Variants in VWA5B2 observed in about 807,000 individuals in gnomAD.
VWA5B2 encodes von Willebrand factor A domain-containing protein 5B2.
VWA5B2 carries 93 observed loss-of-function variants against 118.5 expected under a neutral mutation model. The observed-to-expected ratio is 0.79, with a 90% CI of 0.66 to 0.93. VWA5B2 has a LOEUF of 0.93. VWA5B2 is among the 40% of genes least tolerant of loss of function. The pLI is 0.00. For missense variants in VWA5B2, 1,546 were observed against 1,672.8 expected, an observed-to-expected ratio of 0.92 and a Z score of 1.32; for synonymous variants, 708 against 716.3, an observed-to-expected ratio of 0.99 and a Z score of 0.19.
In VWA5B2 at chr3:184,233,846, G is replaced by A; in HGVS notation, c.688+113G>A. On this transcript the variant is annotated intron_variant, in intron 5 of 19. Transcript: ENST00000691901. This position sits in a 1 kb window ranked among gnomAD's most constrained non-coding sequence, Gnocchi z 5.2. ...GAGGGACACAGGACAAAAAGACAGG[G>A]ACCCCAGCCTCCGGAACATCTGGGT... 2 of 1,400,942 alleles carry A rather than the reference G, an allele frequency of 1.4e-6. No homozygotes were observed. Among genetic ancestry groups the A allele is most frequent in the Non-Finnish European group, 1.9e-6 (2 of 1,050,230 alleles). The allele number at this position is 1,400,942 out of a possible 1,614,324, so 86.8% of individuals were successfully genotyped here.
intron 7 of VWA5B2, 159 bp from the exon 8 acceptor site, chr3:184,234,994 G>A (rs746656021): frequency 7.3e-6 from 8 of 1,093,960 alleles, no homozygotes; most frequent in Non-Finnish European, 9.0e-6. Context: ...ACAGAAGACA[G>A]CCACCTGCCT....
Position 184,241,847 on chromosome 3 carries a change from T to C in VWA5B2, c.3538T>C (p.Cys1180Arg), listed in dbSNP as rs1344520852. The change falls in exon 20 of 20, where the codon TGC becomes CGC. Residue 1180 changes from cysteine (C) to arginine (R), a missense_variant. Physicochemically the swap from Cys to Arg is radical, Grantham distance 180. Coordinates refer to ENST00000691901, the MANE Select transcript of VWA5B2 (RefSeq NM_001390846.1). This position sits in a 1 kb window ranked among gnomAD's most constrained non-coding sequence, Gnocchi z 5.1. ...AVALAWLEHR[C>R]AAAFDEWELT... ...AGCACTCGCCTGGCTGGAGCACCGA[T>C]GCGCCGCTGCCTTCGACGAGTGGGA... The C allele has an allele frequency of 6.5e-7, 1 of 1,538,904 alleles. No homozygotes were observed. Among genetic ancestry groups the C allele is most frequent in the East Asian group, 2.4e-5 (1 of 40,838 alleles).
chr3:184,241,420 G>A lies in VWA5B2; in HGVS notation c.3180+16G>A, dbSNP rs1390231699. 6 of 1,576,026 alleles carry A rather than the reference G, an allele frequency of 3.8e-6. No homozygotes were observed. Among genetic ancestry groups the A allele is most frequent in the Non-Finnish European group, 4.3e-6 (5 of 1,159,842 alleles). ...CCTGCCCTTGGTGAGGACTCGGGAG[G>A]TGGAGGGTGGTGCCGCCGGGGCCGG... On this transcript the variant is annotated intron_variant, in intron 19 of 19. Coordinates refer to ENST00000691901, the MANE Select transcript of VWA5B2 (RefSeq NM_001390846.1). This position sits in a 1 kb window ranked among gnomAD's most constrained non-coding sequence, Gnocchi z 5.1.
At position 184,242,229 on chromosome 3, in the gene VWA5B2, C is replaced by T; in HGVS notation, c.*191C>T. 1.3e-6 allele frequency: 1 copy of T among 771,844 alleles called. No individual in the cohort carries two copies. The highest frequency in any genetic ancestry group is 2.1e-6 in the Non-Finnish European group (1 of 476,274). The allele number at this position is 771,844 out of a possible 1,614,324, so 47.8% of individuals were successfully genotyped here. ...CCTGTGCTCTCTCCCTCTCCTCCCA[C>T]CCCACTCACACTCCCCTCCATCCTC... On this transcript the variant is annotated 3_prime_UTR_variant, in exon 20 of 20. Transcript: ENST00000691901.
chr3:184,241,646 G>C lies in VWA5B2; in HGVS notation c.3337G>C (p.Gly1113Arg). Reference protein sequence around the residue: ...TSASLPWALLGPGVGQGDSAT... With the variant: ...TSASLPWALLRPGVGQGDSAT... Reference sequence around the variant, plus strand: ...GGCCTCATTGCCCTGGGCACTTCTGGGCCCTGGTGTTGGCCAGGGTGACAG... The same window carrying C: ...GGCCTCATTGCCCTGGGCACTTCTGCGCCCTGGTGTTGGCCAGGGTGACAG... The change falls in exon 20 of 20, where the codon GGC (glycine) becomes CGC (arginine). Residue 1113 changes from glycine to arginine, a missense_variant. Gly to Arg is a moderately radical substitution (Grantham distance 125). Around this residue, in one of 3 missense-constraint regions of VWA5B2, gnomAD observed 763 missense variants for 766.6 expected, o/e 1.00. Coordinates refer to ENST00000691901, the MANE Select transcript of VWA5B2 (RefSeq NM_001390846.1). The surrounding 1 kb of genome is among the most constrained non-coding windows in gnomAD (Gnocchi z 5.1). 1 of 1,538,466 alleles carries C rather than the reference G, an allele frequency of 6.5e-7. No homozygotes were observed. The highest frequency in any genetic ancestry group is 8.7e-7 in the Non-Finnish European group (1 of 1,145,542).
chr3:184,234,874 T>C lies in VWA5B2; in HGVS notation c.945+119T>C, dbSNP rs563448964. On this transcript the variant is annotated intron_variant, in intron 7 of 19. Transcript: ENST00000691901. ...AGGCCTCTTTTCTCGGTAAGATCTC[T>C]CCACAGCTGCCACCAACCATCACAG... The C allele has an allele frequency of 1.9e-4, 266 of 1,422,754 alleles. No individual in the cohort carries two copies. In the South Asian group the frequency reaches 3.5e-3, roughly 19 times the overall value. The allele number at this position is 1,422,754 out of a possible 1,614,324, so 88.1% of individuals were successfully genotyped here.
chr3:184,233,659 C>T lies in VWA5B2; in HGVS notation c.614C>T (p.Ser205Leu), dbSNP rs774622515. The T allele has an allele frequency of 6.4e-7, 1 of 1,551,300 alleles. No individual in the cohort carries two copies. The highest frequency in any genetic ancestry group is 8.7e-7 in the Non-Finnish European group (1 of 1,146,966). ...EELAAPRDVFSGPARCPAPYT... is the reference protein window; with the variant it reads ...EELAAPRDVFLGPARCPAPYT... Reference sequence around the variant, plus strand: ...CTGGCTGCCCCTCGGGACGTGTTCTCAGGCCCTGCCCGCTGCCCTGCCCCA... The same window carrying T: ...CTGGCTGCCCCTCGGGACGTGTTCTTAGGCCCTGCCCGCTGCCCTGCCCCA... Residue 205 changes from serine (S) to leucine (L), a missense_variant, in exon 5 of 20, where the codon TCA becomes TTA. Around this residue, in one of 3 missense-constraint regions of VWA5B2, gnomAD observed 775 missense variants for 882.3 expected, o/e 0.88. Coordinates refer to ENST00000691901, the MANE Select transcript of VWA5B2 (RefSeq NM_001390846.1). The surrounding 1 kb of genome is among the most constrained non-coding windows in gnomAD (Gnocchi z 5.2).
Position 184,240,836 on chromosome 3 carries a change from T to C in VWA5B2, c.2786T>C (p.Val929Ala). Residue 929 changes from valine (V) to alanine (A), a missense_variant, in exon 17 of 20, where the codon GTC becomes GCC. Coordinates refer to ENST00000691901, the MANE Select transcript of VWA5B2 (RefSeq NM_001390846.1). ...CTTCGAGCCCTTCAGACAAGTAAGGTCAGCTCTGCCCCCTCCTGCTTCACT... is the reference window on the plus strand; with the variant it reads ...CTTCGAGCCCTTCAGACAAGTAAGGCCAGCTCTGCCCCCTCCTGCTTCACT... ...CWLRALQTSKVSSAPSCFTCP... is the reference protein window; with the variant it reads ...CWLRALQTSKASSAPSCFTCP... 1.3e-6 allele frequency: 2 copies of C among 1,551,632 alleles called. No individual in the cohort carries two copies. Among genetic ancestry groups the C allele is most frequent in the East Asian group, 4.9e-5 (2 of 40,920 alleles).
Position 184,233,228 on chromosome 3 carries a change from A to T in VWA5B2, c.361A>T (p.Thr121Ser). 1 of 1,550,828 alleles carries T rather than the reference A, an allele frequency of 6.4e-7. No individual in the cohort carries two copies. The highest frequency in any genetic ancestry group is 8.7e-7 in the Non-Finnish European group (1 of 1,146,854). ...GGCCCGGTCCACGTTGGTGCTGCCC[A>T]CAGGCATTATCGCCGCGGCTGGCAC... The part of the protein sequence containing the change: ...AQARSTLVLP[T>S]GIIAAAGTMT... The change falls in exon 4 of 20, where the codon ACA (threonine) becomes TCA (serine). Residue 121 changes from threonine to serine, a missense_variant. By Grantham distance (58) the Thr-to-Ser change is moderately conservative. This residue lies in a region of VWA5B2 where 775 missense variants were observed against 882.3 expected (regional missense o/e 0.88). Coordinates refer to ENST00000691901, the MANE Select transcript of VWA5B2 (RefSeq NM_001390846.1). This position sits in a 1 kb window ranked among gnomAD's most constrained non-coding sequence, Gnocchi z 5.2.
In VWA5B2 at chr3:184,239,704, C is replaced by A. The variant is rs1335712203; in HGVS notation, c.2408C>A (p.Pro803Gln). The A allele has an allele frequency of 1.4e-6, 2 of 1,478,904 alleles. No individual in the cohort carries two copies. Among genetic ancestry groups the A allele is most frequent in the Non-Finnish European group, 1.8e-6 (2 of 1,108,040 alleles). 91.6% of individuals were successfully genotyped at this position (1,478,904 alleles called of 1,614,324 possible). Reference sequence around the variant, plus strand: ...GCCTCCCCAGGAAACCTGCTCTCCCCAGCCCCTATGGACTGGGACATGCTG... The same window carrying A: ...GCCTCCCCAGGAAACCTGCTCTCCCAAGCCCCTATGGACTGGGACATGCTG... Reference protein sequence around the residue: ...GLDDSGNLLSPAPMDWDMLME... With the variant: ...GLDDSGNLLSQAPMDWDMLME... The change falls in exon 16 of 20, where the codon CCA becomes CAA. Residue 803 changes from proline (P) to glutamine (Q), a missense_variant. By Grantham distance (76) the Pro-to-Gln change is moderately conservative. Around this residue, in one of 3 missense-constraint regions of VWA5B2, gnomAD observed 763 missense variants for 766.6 expected, o/e 1.00. Coordinates refer to ENST00000691901, the MANE Select transcript of VWA5B2 (RefSeq NM_001390846.1). The surrounding 1 kb of genome is among the most constrained non-coding windows in gnomAD (Gnocchi z 5.1).
At position 184,238,309 on chromosome 3, in the gene VWA5B2, G is replaced by A. The variant is rs752631235; in HGVS notation, c.1726G>A (p.Glu576Lys). The part of the protein sequence containing the change: ...GFRSRPPGGQ[E>K]PGWQSSGGSV... Reference sequence around the variant, plus strand: ...CCAATAATATTCTCTCTAGGGCCAAGAGCCTGGCTGGCAGAGCTCGGGTGG... The same window carrying A: ...CCAATAATATTCTCTCTAGGGCCAAAAGCCTGGCTGGCAGAGCTCGGGTGG... Residue 576 changes from glutamate (E) to lysine (K), a missense_variant, in exon 13 of 20, where the codon GAG becomes AAG. Around this residue, in one of 3 missense-constraint regions of VWA5B2, gnomAD observed 775 missense variants for 882.3 expected, o/e 0.88. Coordinates refer to ENST00000691901, the MANE Select transcript of VWA5B2 (RefSeq NM_001390846.1). The surrounding 1 kb of genome is among the most constrained non-coding windows in gnomAD (Gnocchi z 5.0). 134 of 1,517,036 alleles carry A rather than the reference G, an allele frequency of 8.8e-5. No homozygotes were observed. Among genetic ancestry groups the A allele is most frequent in the Admixed American group, 1.5e-4 (7 of 45,538 alleles). The allele number at this position is 1,517,036 out of a possible 1,614,324, so 94.0% of individuals were successfully genotyped here.
In VWA5B2 at chr3:184,230,840, G is replaced by A. The variant is rs1717316277; in HGVS notation, c.233G>A (p.Arg78Gln). The change falls in exon 3 of 20, where the codon CGG becomes CAG. Residue 78 changes from arginine (R) to glutamine (Q), a missense_variant. Coordinates refer to ENST00000691901, the MANE Select transcript of VWA5B2 (RefSeq NM_001390846.1). ...GRRVSFQLQS[R>Q]RRSQAACCRA... ...CGCGTCTCCTTCCAGCTGCAGAGCC[G>A]GCGCCGCTCGCAGGCCGCCTGCTGC... The A allele has an allele frequency of 7.2e-6, 9 of 1,246,304 alleles. No homozygotes were observed. Among genetic ancestry groups the A allele is most frequent in the Non-Finnish European group, 9.0e-6 (9 of 995,776 alleles). The allele number at this position is 1,246,304 out of a possible 1,614,324, so 77.2% of individuals were successfully genotyped here.
In VWA5B2 at chr3:184,238,700, G is replaced by A; in HGVS notation, c.2029G>A (p.Gly677Ser). 6.4e-7 allele frequency: 1 copy of A among 1,551,384 alleles called. No individual in the cohort carries two copies. Among genetic ancestry groups the A allele is most frequent in the Non-Finnish European group, 8.7e-7 (1 of 1,147,018 alleles). Residue 677 changes from glycine (G) to serine (S), a missense_variant, in exon 14 of 20, where the codon GGC becomes AGC. Around this residue, in one of 3 missense-constraint regions of VWA5B2, gnomAD observed 763 missense variants for 766.6 expected, o/e 1.00. Coordinates refer to ENST00000691901, the MANE Select transcript of VWA5B2 (RefSeq NM_001390846.1). This position sits in a 1 kb window ranked among gnomAD's most constrained non-coding sequence, Gnocchi z 5.0. The part of the protein sequence containing the change: ...LTHCSASPEP[G>S]PGSTGSSESP... ...CCACTGCTCTGCCAGCCCCGAGCCA[G>A]GCCCAGGCTCCACAGGCAGCAGTGA... is the stretch of plus-strand genomic sequence containing the variant.
chr3:184,231,669 C>T (rs1251440683), intron 3 of VWA5B2, among the ~76,000 whole-genome samples: 1 of 152,232 alleles, frequency 6.6e-6, no homozygotes, highest in East Asian at 1.9e-4. Context: ...GAACCTGGCA[C>T]TATGAGGCCC....
chr3:184,239,437 C>T lies in VWA5B2; in HGVS notation c.2246C>T (p.Ala749Val), dbSNP rs573520996. 359 of 1,549,512 alleles carry T rather than the reference C, an allele frequency of 2.3e-4. 2 individuals are homozygous for T. In the Middle Eastern group the frequency reaches 2.3e-3, roughly 10 times the overall value. Residue 749 changes from alanine (A) to valine (V), a missense_variant, in exon 15 of 20, where the codon GCG (alanine) becomes GTG (valine). By Grantham distance (64) the Ala-to-Val change is moderately conservative. This residue lies in a region of VWA5B2 where 763 missense variants were observed against 766.6 expected (regional missense o/e 1.00). Transcript: ENST00000691901. The surrounding 1 kb of genome is among the most constrained non-coding windows in gnomAD (Gnocchi z 5.1). ...STEVLGRQHR[A>V]ALAGRSLSSP... ...GAGGTGCTGGGCCGTCAGCACAGAG[C>T]GGCTCTGGCTGGCCGAAGCCTCTCA...
chr3:184,234,380 T>G lies in VWA5B2; in HGVS notation c.803T>G (p.Ile268Ser). Reference protein sequence around the residue: ...EGHHCDRALEILLHPSEPHQP... With the variant: ...EGHHCDRALESLLHPSEPHQP... Reference sequence around the variant, plus strand: ...CACCACTGTGACCGGGCCTTGGAGATCCTGCTGCACCCCAGTGGTGAGAGA... The same window carrying G: ...CACCACTGTGACCGGGCCTTGGAGAGCCTGCTGCACCCCAGTGGTGAGAGA... Residue 268 changes from isoleucine to serine, a missense_variant, in exon 6 of 20, where the codon ATC becomes AGC. Ile to Ser is a moderately radical substitution (Grantham distance 142). Transcript: ENST00000691901. 6.4e-7 allele frequency: 1 copy of G among 1,551,750 alleles called. No homozygotes were observed.
rs929573777 is a variant in VWA5B2 at position 184,242,065 on chromosome 3, C to G, written c.*27C>G. 1.3e-5 allele frequency: 20 copies of G among 1,544,294 alleles called. 1 individual carries two copies. The highest frequency in any genetic ancestry group is 5.9e-5 in the Admixed American group (3 of 50,924). On this transcript the variant is annotated 3_prime_UTR_variant, in exon 20 of 20. Transcript: ENST00000691901. ...GGCTGCCCCCTGCTGCTTGGGCTGGCGCCCCACCCAACACACTCAAGTCAC... is the reference window on the plus strand; with the variant it reads ...GGCTGCCCCCTGCTGCTTGGGCTGGGGCCCCACCCAACACACTCAAGTCAC...
chr3:184,236,247 C>T lies in VWA5B2; in HGVS notation c.1197C>T (p.Ser399=). The T allele has an allele frequency of 6.4e-7, 1 of 1,551,778 alleles. No homozygotes were observed. Among genetic ancestry groups the T allele is most frequent in the Non-Finnish European group, 8.7e-7 (1 of 1,147,004 alleles). Residue 399 remains serine (S), a synonymous_variant, in exon 9 of 20, where the codon AGC becomes AGT. Transcript: ENST00000691901. ...TGGTGCAGCCACTCTTCCCAGAGAG[C>T]CGGCCTTGCAGTGATGTGAGTGTGG... ...GTLVQPLFPE[S]RPCSDDAVQL...
At chr3:184,232,825 G>T in intron 3 of VWA5B2, 1 of 296,204 alleles carries the variant, frequency 3.4e-6, no homozygotes, top group Admixed American at 4.8e-5. Flanking sequence ...CTATCCACAA[G>T]GGATGGTGGC....
Sources: gnomAD v4.1 joint callset for allele counts (sites outside exome capture counted in the v4.1 genomes callset) on GRCh38, gnomAD v4.1.1 for gene constraint, gnomAD v4.1.1 regional missense constraint, Gnocchi (gnomAD v3.1) non-coding constraint, MANE v1.5 for transcripts, NCBI Gene and HGNC (gene_info 2026-07-23, HGNC 2026-07-21) for gene names.